The following PTGER3 variants were observed in gnomAD, a reference collection of about 807,000 sequenced individuals.
The protein encoded by PTGER3 is prostaglandin E receptor 3, also known as prostaglandin E2 receptor EP3 subtype.
A neutral mutation model predicts 34.7 loss-of-function variants in PTGER3; 22 were observed. That is an observed-to-expected ratio of 0.63 (90% CI 0.45 to 0.91). The LOEUF is 0.91. Among genes scored for constraint, PTGER3 ranks in the 40% least tolerant of loss-of-function variants. PTGER3 has a pLI of 0.00. For synonymous variants in PTGER3, 241 were observed against 230.1 expected, an observed-to-expected ratio of 1.05 and a Z score of -0.43; for missense variants, 468 against 519.4, an observed-to-expected ratio of 0.90 and a Z score of 0.96.
At chr1:70,858,388 C>G (rs1645856770) in intron 4 of PTGER3, among the ~76,000 whole-genome samples, 1 of 152,078 alleles carries the variant, frequency 6.6e-6, no homozygotes, top group African/African-American at 2.4e-5. Flanking sequence ...CTAAGACAAA[C>G]TTTCTAAATT....
intron 4 of PTGER3, among the ~76,000 whole-genome samples, chr1:70,875,736 T>C (rs1646258211): frequency 6.6e-6 from 1 of 152,222 alleles, no homozygotes; most frequent in Admixed American, 6.5e-5. Flanking sequence ...GGTTTCTTTT[T>C]CTGCATTAGT....
chr1:70,879,456 AG>A (rs1646341194), intron 4 of PTGER3, among the ~76,000 whole-genome samples: 2 of 152,254 alleles, frequency 1.3e-5, no homozygotes, highest in Admixed American at 1.3e-4. Flanking sequence ...CATGTTGGCC[AG>A]GCTGATGGTC....
At chr1:71,039,104 G>A (rs1180073771) in intron 1 of PTGER3, among the ~76,000 whole-genome samples, 3 of 152,204 alleles carry the variant, frequency 2.0e-5, no homozygotes, top group Non-Finnish European at 4.4e-5. Flanking sequence ...GACTGTTCAG[G>A]TGGGGAGGGG....
At chr1:70,972,269 G>A (rs1458897163) in intron 3 of PTGER3, among the ~76,000 whole-genome samples, 5 of 152,086 alleles carry the variant, frequency 3.3e-5, no homozygotes, top group Admixed American at 6.5e-5. Context: ...GTTGCAGTGA[G>A]CCGAGATCAT....
At chr1:71,024,545 G>A (rs1658709803) in intron 1 of PTGER3, among the ~76,000 whole-genome samples, 1 of 151,758 alleles carries the variant, frequency 6.6e-6, no homozygotes, top group African/African-American at 2.4e-5. Flanking sequence ...ACAAATAAGT[G>A]AATGAGAGCA....
intron 4 of PTGER3, among the ~76,000 whole-genome samples, chr1:70,912,675 A>T (rs1480903543): frequency 6.6e-6 from 1 of 151,996 alleles, no homozygotes; most frequent in African/African-American, 2.4e-5. Flanking sequence ...AACATGCAAA[A>T]ACCCTTCTAT....
intron 1 of PTGER3, among the ~76,000 whole-genome samples, chr1:71,038,889 C>T (rs1660048215): frequency 6.6e-6 from 1 of 152,174 alleles, no homozygotes; most frequent in South Asian, 2.1e-4. Context: ...ATGAAGACAA[C>T]TGAGGGAGAG....
intron 2 of PTGER3, among the ~76,000 whole-genome samples, chr1:70,974,750 A>G (rs1009253615): frequency 6.6e-6 from 1 of 152,204 alleles, no homozygotes; most frequent in Non-Finnish European, 1.5e-5. Context: ...TCTGGGATAA[A>G]GAATAGAATT....
intron 4 of PTGER3, among the ~76,000 whole-genome samples, chr1:70,938,914 C>T (rs917105098): frequency 3.9e-5 from 6 of 152,120 alleles, no homozygotes; most frequent in African/African-American, 1.2e-4. Flanking sequence ...CATGTCCTCA[C>T]GTTTCAAAAC....
chr1:71,028,585 T>G (rs1242070294), intron 1 of PTGER3, among the ~76,000 whole-genome samples: 1 of 152,208 alleles, frequency 6.6e-6, no homozygotes, highest in Non-Finnish European at 1.5e-5. Context: ...TTTTACTATG[T>G]TTCCCTATTG....
chr1:71,036,962 T>C (rs1163933773), intron 1 of PTGER3, among the ~76,000 whole-genome samples: 1 of 150,528 alleles, frequency 6.6e-6, no homozygotes, highest in East Asian at 2.0e-4. Flanking sequence ...CAGCAGCCCT[T>C]TGAGTCCATG....
intron 1 of PTGER3, among the ~76,000 whole-genome samples, chr1:71,039,623 C>T (rs1321737567): frequency 3.8e-5 from 5 of 130,858 alleles, no homozygotes; most frequent in Admixed American, 8.8e-5. Flanking sequence ...GCACTCCAGC[C>T]TGGGTGACAG....
chr1:71,027,978 A>C (rs1572971424), intron 1 of PTGER3, among the ~76,000 whole-genome samples: 1 of 152,132 alleles, frequency 6.6e-6, no homozygotes, highest in Non-Finnish European at 1.5e-5. Flanking sequence ...GTATAGATGA[A>C]AGTTTAGTGC....
intron 1 of PTGER3, among the ~76,000 whole-genome samples, chr1:71,046,285 CAAAAA>C (rs34411077): frequency 1.2e-5 from 1 of 81,176 alleles, no homozygotes; most frequent in African/African-American, 5.1e-5. Flanking sequence ...GACTCCGTCT[CAAAAA>C]AAAAAAAAAA....
intron 4 of PTGER3, among the ~76,000 whole-genome samples, chr1:70,916,774 A>G (rs1647183112): frequency 1.3e-5 from 2 of 152,004 alleles, no homozygotes; most frequent in South Asian, 2.1e-4. Flanking sequence ...ATTGGGCACT[A>G]TGCTTACTAC....
intron 1 of PTGER3, among the ~76,000 whole-genome samples, chr1:71,035,805 C>T (rs945112393): frequency 1.3e-5 from 2 of 152,226 alleles, no homozygotes; most frequent in African/African-American, 4.8e-5. Flanking sequence ...GGCCTTCTTT[C>T]AGTTCCTCCA....
At chr1:70,895,333 T>A (rs1268003775) in intron 4 of PTGER3, among the ~76,000 whole-genome samples, 1 of 152,202 alleles carries the variant, frequency 6.6e-6, no homozygotes, top group Non-Finnish European at 1.5e-5. Flanking sequence ...CCAAGCTTCA[T>A]GTGGTTAGTA....
chr1:70,946,327 T>C (rs1650223124), intron 4 of PTGER3, among the ~76,000 whole-genome samples: 1 of 152,116 alleles, frequency 6.6e-6, no homozygotes, highest in Non-Finnish European at 1.5e-5. Flanking sequence ...ACTATCTCAC[T>C]CCCAGTTTAC....
chr1:70,956,858 G>A (rs1651394189), intron 2 of PTGER3, among the ~76,000 whole-genome samples: 1 of 152,164 alleles, frequency 6.6e-6, no homozygotes. Context: ...AGCCAGGTGA[G>A]GTGGCCCATG....
Sources: allele counts gnomAD v4.1 joint callset (sites outside exome capture counted in the v4.1 genomes callset), GRCh38; gene constraint gnomAD v4.1.1; transcripts MANE v1.5; gene names NCBI Gene and HGNC (gene_info 2026-07-23, HGNC 2026-07-21).